The following BCKDHB variants were observed in gnomAD, a reference collection of about 807,000 sequenced individuals.
The protein encoded by BCKDHB is 2-oxoisovalerate dehydrogenase subunit beta, mitochondrial.
Under a neutral mutation model 48.5 loss-of-function variants are expected in BCKDHB, and 41 were observed. The ratio of observed to expected loss-of-function variants is 0.85; its 90% CI spans 0.66 to 1.10. BCKDHB has a LOEUF of 1.10. Among genes scored for constraint, BCKDHB ranks in the 50% least tolerant of loss-of-function variants. BCKDHB has a pLI of 0.00. For missense variants in BCKDHB, 496 were observed against 494.2 expected, an observed-to-expected ratio of 1.00 and a Z score of -0.03; for synonymous variants, 201 against 174.8, an observed-to-expected ratio of 1.15 and a Z score of -1.18.
intron 9 of BCKDHB, among the ~76,000 whole-genome samples, chr6:80,322,205 C>T (rs896045433): frequency 6.6e-5 from 10 of 151,308 alleles, no homozygotes; most frequent in African/African-American, 2.4e-4. Context: ...CACACATTCT[C>T]TCTTAGACAT....
chr6:80,227,898 G>C (rs1017391290), intron 8 of BCKDHB, among the ~76,000 whole-genome samples: 1 of 152,188 alleles, frequency 6.6e-6, no homozygotes, highest in Non-Finnish European at 1.5e-5. Context: ...AGAACCCACT[G>C]TAGGGGGTTA....
Position 80,201,009 on chromosome 6 carries a change from C to CTCTAGTTG in BCKDHB, c.819_826dup (p.Ala276ValfsTer2). On this transcript the variant is annotated frameshift_variant, in exon 7 of 10. Transcript: ENST00000320393. LOFTEE classifies it high-confidence loss of function. Reference sequence around the variant, plus strand: ...GTCATACAGGAAGGGAGTGATGTTACTCTAGTTGCCTGGGGCACTCAGGTG... The same window carrying CTCTAGTTG: ...GTCATACAGGAAGGGAGTGATGTTACTCTAGTTGTCTAGTTGCCTGGGGCACTCAGGTG... 6.2e-7 allele frequency: 1 copy of CTCTAGTTG among 1,611,982 alleles called. No individual in the cohort carries two copies. The highest frequency in any genetic ancestry group is 8.5e-7 in the Non-Finnish European group (1 of 1,178,334).
chr6:80,464,475 G>A, the BCKDHB span, among the ~76,000 whole-genome samples: 6,507 of 152,024 alleles, frequency 0.043, 431 homozygotes, highest in African/African-American at 0.15. Context: ...ATTATTATTT[G>A]TGAAATAAAA....
the BCKDHB span, among the ~76,000 whole-genome samples, chr6:80,420,897 T>G: frequency 2.6e-5 from 4 of 152,330 alleles, no homozygotes; most frequent in East Asian, 3.9e-4. Flanking sequence ...TGATCTCTCT[T>G]AGAATAAAGC....
chr6:80,343,523 TCA>T lies in BCKDHB; in HGVS notation c.1039-140_1039-139del. The T allele has an allele frequency of 5.3e-6, 5 of 940,224 alleles. No individual in the cohort carries two copies. In the Admixed American group the frequency reaches 9.6e-5, roughly 18 times the overall value. 58.2% of individuals were successfully genotyped at this position (940,224 alleles called of 1,614,324 possible). ...GCGAACATGCTGTTACCTGCTTTTT[TCA>T]TATTACAGTATACTTAAATATTTTT... is the stretch of plus-strand genomic sequence containing the variant. On this transcript the variant is annotated intron_variant, in intron 9 of 9. Transcript: ENST00000320393.
At chr6:80,313,956 G>A (rs1768302950) in intron 9 of BCKDHB, among the ~76,000 whole-genome samples, 1 of 152,106 alleles carries the variant, frequency 6.6e-6, no homozygotes, top group South Asian at 2.1e-4. Flanking sequence ...CCCAGAGATT[G>A]TGGTGCTTTG....
chr6:80,157,031 A>G (rs1441028171), intron 3 of BCKDHB, among the ~76,000 whole-genome samples: 1 of 152,158 alleles, frequency 6.6e-6, no homozygotes, highest in Non-Finnish European at 1.5e-5. Context: ...TTAGGAGTGT[A>G]AGAACACATT....
In BCKDHB at chr6:80,194,280, T is replaced by C. The variant is rs77117722; in HGVS notation, c.743-6654T>C. ...TTTCGAAATAGTTCAAACAAAAAGA[T>C]TGCAAAAATAGTATGAAGAATTCAT... On this transcript the variant is annotated intron_variant, in intron 6 of 9. Coordinates refer to ENST00000320393, the MANE Select transcript of BCKDHB (RefSeq NM_183050.4). Among the ~76,000 whole-genome samples, 181 of 152,304 alleles carry C rather than the reference T, an allele frequency of 1.2e-3. 2 individuals are homozygous for C. In the East Asian group the frequency reaches 0.033, roughly 28 times the overall value.
At chr6:80,421,181 G>T in the BCKDHB span, among the ~76,000 whole-genome samples, 1 of 152,088 alleles carries the variant, frequency 6.6e-6, no homozygotes. Flanking sequence ...TCATGGATCT[G>T]ATGGTTTAAA....
chr6:80,196,758 G>A (rs181120787), intron 6 of BCKDHB, among the ~76,000 whole-genome samples: 168 of 152,284 alleles, frequency 1.1e-3, no homozygotes, highest in Non-Finnish European at 1.6e-3. Flanking sequence ...GAAATAGAAT[G>A]GGGCCAAGGA....
At chr6:80,406,524 T>C in the BCKDHB span, among the ~76,000 whole-genome samples, 5 of 152,192 alleles carry the variant, frequency 3.3e-5, no homozygotes, top group Non-Finnish European at 5.9e-5. Context: ...TCTGTTGTTT[T>C]CTAACTTTTT....
chr6:80,349,881 G>T (rs1447009586), downstream of BCKDHB, among the ~76,000 whole-genome samples: 1 of 152,016 alleles, frequency 6.6e-6, no homozygotes, highest in African/African-American at 2.4e-5. Context: ...TAGAGTAAAA[G>T]AATATAGGAT....
At chr6:80,203,252 C>G (rs776491830) in intron 8 of BCKDHB, 40 bp downstream of exon 8, 36 of 1,388,894 alleles carry the variant, frequency 2.6e-5, no homozygotes, top group Non-Finnish European at 3.7e-5. Flanking sequence ...TTCCCTGAAA[C>G]CTTTGGCCAA....
the BCKDHB span, among the ~76,000 whole-genome samples, chr6:80,418,360 A>C: frequency 6.6e-6 from 1 of 152,008 alleles, no homozygotes; most frequent in Non-Finnish European, 1.5e-5. Flanking sequence ...GTAAGAAGGC[A>C]CTCTGGCTTT....
intron 6 of BCKDHB, among the ~76,000 whole-genome samples, chr6:80,178,667 G>A (rs1483195496): frequency 6.6e-6 from 1 of 152,148 alleles, no homozygotes; most frequent in African/African-American, 2.4e-5. Context: ...CTCACAACCA[G>A]CATATCAGGT....
At chr6:80,325,531 G>GT (rs1410893925) in intron 9 of BCKDHB, among the ~76,000 whole-genome samples, 1 of 152,166 alleles carries the variant, frequency 6.6e-6, no homozygotes, top group African/African-American at 2.4e-5. Context: ...TCTAAAAACT[G>GT]TTTAAGATAA....
At chr6:80,416,390 T>C in the BCKDHB span, among the ~76,000 whole-genome samples, 1 of 152,180 alleles carries the variant, frequency 6.6e-6, no homozygotes, top group South Asian at 2.1e-4. Flanking sequence ...ACTTGAGGTC[T>C]TTTTAACATT....
intron 6 of BCKDHB, among the ~76,000 whole-genome samples, chr6:80,171,649 CCA>C (rs1415261794): frequency 6.6e-6 from 1 of 152,024 alleles, no homozygotes; most frequent in Non-Finnish European, 1.5e-5. Flanking sequence ...CTATGTTTAA[CCA>C]CATAGTAGGT....
At chr6:80,288,410 G>A (rs1284549270) in intron 9 of BCKDHB, among the ~76,000 whole-genome samples, 1 of 151,954 alleles carries the variant, frequency 6.6e-6, no homozygotes, top group Non-Finnish European at 1.5e-5. Flanking sequence ...TTGTTTAATG[G>A]CATACTGACA....
Sources: gnomAD v4.1 joint callset for allele counts (sites outside exome capture counted in the v4.1 genomes callset) on GRCh38, gnomAD v4.1.1 for gene constraint, MANE v1.5 for transcripts, NCBI Gene and HGNC (gene_info 2026-07-23, HGNC 2026-07-21) for gene names.